ARFGEF3: variants seen among roughly 807,000 people sequenced by gnomAD.
ARFGEF3 encodes brefeldin A-inhibited guanine nucleotide-exchange protein 3.
Under a neutral mutation model 221.7 loss-of-function variants are expected in ARFGEF3, and 96 were observed. The ratio of observed to expected loss-of-function variants is 0.43; its 90% CI spans 0.37 to 0.51. The LOEUF is 0.51. Among genes scored for constraint, ARFGEF3 ranks in the 20% least tolerant of loss-of-function variants. The pLI, the probability that ARFGEF3 is intolerant of heterozygous loss-of-function variation, is 0.00. For missense variants in ARFGEF3, 2,410 were observed against 2,789.9 expected, an observed-to-expected ratio of 0.86 and a Z score of 3.07; for synonymous variants, 1,145 against 1,126.8, an observed-to-expected ratio of 1.02 and a Z score of -0.32.
chr6:138,289,141 CAG>C (rs1779353186), intron 17 of ARFGEF3, among the ~76,000 whole-genome samples: 1 of 152,146 alleles, frequency 6.6e-6, no homozygotes, highest in Non-Finnish European at 1.5e-5. Context: ...TCAGTAGAGA[CAG>C]AGTTTCTCCA....
intron 32 of ARFGEF3, among the ~76,000 whole-genome samples, chr6:138,329,341 C>T (rs979714148): frequency 6.6e-6 from 1 of 152,132 alleles, no homozygotes; most frequent in Non-Finnish European, 1.5e-5. Context: ...CCCAAGGACA[C>T]ACAACTGCAA....
chr6:138,317,429 C>CT (rs1779946252), intron 27 of ARFGEF3, 50 bp downstream of exon 27: 7 of 1,608,198 alleles, frequency 4.4e-6, no homozygotes, highest in Non-Finnish European at 5.1e-6. Flanking sequence ...ACATGTAACT[C>CT]TTTTCAAGAG....
In ARFGEF3 at chr6:138,334,003, G is replaced by C; in HGVS notation, c.5157G>C (p.Leu1719=). The change falls in exon 33 of 34, where the codon CTG becomes CTC. Residue 1719 remains leucine, a synonymous_variant. Coordinates refer to ENST00000251691, the MANE Select transcript of ARFGEF3 (RefSeq NM_020340.5). This position sits in a 1 kb window ranked among gnomAD's most constrained non-coding sequence, Gnocchi z 5.1. The part of the protein sequence containing the change: ...VSFREIVVSL[L]SHQVLLQNLY... ...TCAGGGAAATTGTGGTGAGCCTGCTGTCTCATCAGGTGTTACTCCAGAACT... is the reference window on the plus strand; with the variant it reads ...TCAGGGAAATTGTGGTGAGCCTGCTCTCTCATCAGGTGTTACTCCAGAACT... The C allele has an allele frequency of 1.2e-6, 2 of 1,610,084 alleles. No individual in the cohort carries two copies. The highest frequency in any genetic ancestry group is 1.1e-5 in the South Asian group (1 of 91,010).
In ARFGEF3 at chr6:138,339,277, G is replaced by A. The variant is rs572127964; in HGVS notation, c.*2791G>A. 1.3e-5 allele frequency: 2 copies of A among 152,336 alleles called. No individual in the cohort carries two copies. The highest frequency in any genetic ancestry group is 2.4e-5 in the African/African-American group (1 of 41,550). 9.4% of individuals were successfully genotyped at this position (152,336 alleles called of 1,614,324 possible). A position where few individuals can be genotyped will look rare whatever the true frequency, so the allele number is the denominator to read the frequency against. ...TGAGAGGGGAGTGGCACCTTCCCAG[G>A]CTGCCCAGCTCAGTCTCTTGCCCTG... On this transcript the variant is annotated 3_prime_UTR_variant, in exon 34 of 34. Coordinates refer to ENST00000251691, the MANE Select transcript of ARFGEF3 (RefSeq NM_020340.5).
intron 22 of ARFGEF3, among the ~76,000 whole-genome samples, chr6:138,303,938 A>G (rs887590655): frequency 6.6e-6 from 1 of 150,810 alleles, no homozygotes; most frequent in Non-Finnish European, 1.5e-5. Context: ...TGGAACCTTC[A>G]TGCCCTACTG....
At chr6:138,300,541 C>G (rs144819783) in intron 22 of ARFGEF3, among the ~76,000 whole-genome samples, 51 of 152,176 alleles carry the variant, frequency 3.4e-4, no homozygotes, top group Middle Eastern at 6.8e-3. Context: ...AAAAGAATAC[C>G]CAGAGTAGTC....
Position 138,289,944 on chromosome 6 carries a change from C to G in ARFGEF3, c.3023C>G (p.Pro1008Arg). 1 of 1,613,396 alleles carries G rather than the reference C, an allele frequency of 6.2e-7. No homozygotes were observed. Among genetic ancestry groups the G allele is most frequent in the East Asian group, 2.2e-5 (1 of 44,862 alleles). The change falls in exon 18 of 34, where the codon CCG becomes CGG. Residue 1008 changes from proline (P) to arginine (R), a missense_variant. Physicochemically the swap from Pro to Arg is moderately radical, Grantham distance 103. Transcript: ENST00000251691. ...GGCCTGGAGATGGGAAGCCACAACC[C>G]GGACTGCTGGCCACACGTGTTCAGG... ...SVGLEMGSHN[P>R]DCWPHVFRVC... is the part of the protein sequence containing the mutation.
rs1778821773 is a variant in ARFGEF3, at chr6:138,263,029, C to A, written c.1546C>A (p.Leu516Ile). The change falls in exon 12 of 34, where the codon CTC (leucine) becomes ATC (isoleucine). Residue 516 changes from leucine to isoleucine, a missense_variant. Physicochemically the swap from Leu to Ile is conservative, Grantham distance 5 (BLOSUM62 2). Coordinates refer to ENST00000251691, the MANE Select transcript of ARFGEF3 (RefSeq NM_020340.5). ...CACCACAGACACAGGCCAGACCACT[C>A]TCGAGGGAGAGTTGGGTCAGACTAC... ...SVTTDTGQTT[L>I]EGELGQTTPE... The A allele has an allele frequency of 6.2e-7, 1 of 1,608,404 alleles. No individual in the cohort carries two copies. The highest frequency in any genetic ancestry group is 1.3e-5 in the African/African-American group (1 of 74,888).
At chr6:138,302,572 G>A (rs1160160092) in intron 22 of ARFGEF3, among the ~76,000 whole-genome samples, 4 of 152,070 alleles carry the variant, frequency 2.6e-5, no homozygotes, top group Non-Finnish European at 5.9e-5. Flanking sequence ...TCAACACAAA[G>A]ATATCTACAA....
At chr6:138,197,873 T>C (rs1017773676) in intron 2 of ARFGEF3, among the ~76,000 whole-genome samples, 1 of 152,202 alleles carries the variant, frequency 6.6e-6, no homozygotes, top group African/African-American at 2.4e-5. Context: ...AAGTATACTC[T>C]AGAGTTATTG....
At chr6:138,277,113 T>G (rs529758118) in intron 12 of ARFGEF3, among the ~76,000 whole-genome samples, 2 of 152,210 alleles carry the variant, frequency 1.3e-5, no homozygotes, top group African/African-American at 4.8e-5. Flanking sequence ...CCAGAACTTT[T>G]TTAACATTCC....
intron 12 of ARFGEF3, among the ~76,000 whole-genome samples, chr6:138,272,901 A>T (rs927215997): frequency 2.6e-5 from 4 of 152,244 alleles, no homozygotes; most frequent in Non-Finnish European, 5.9e-5. Flanking sequence ...ACGCTTGCAG[A>T]AGTACTAACA....
chr6:138,236,553 T>C (rs549064408), intron 5 of ARFGEF3, among the ~76,000 whole-genome samples: 80 of 152,278 alleles, frequency 5.3e-4, no homozygotes, highest in Non-Finnish European at 9.3e-4. Flanking sequence ...CGGCTCCTTG[T>C]AGCCTCTACC....
At chr6:138,164,483 A>G (rs1776682356) in intron 1 of ARFGEF3, among the ~76,000 whole-genome samples, 1 of 152,180 alleles carries the variant, frequency 6.6e-6, no homozygotes. Flanking sequence ...TCAATAGGAT[A>G]AGTTGTTTGT....
intron 2 of ARFGEF3, among the ~76,000 whole-genome samples, chr6:138,184,192 C>A (rs1389937170): frequency 6.6e-6 from 1 of 152,012 alleles, no homozygotes; most frequent in African/African-American, 2.4e-5. Context: ...TAATAGCAAA[C>A]CCATTTGATG....
chr6:138,176,433 G>A (rs1198043025), intron 2 of ARFGEF3, among the ~76,000 whole-genome samples: 4 of 152,034 alleles, frequency 2.6e-5, no homozygotes, highest in African/African-American at 7.3e-5. Context: ...CACCCGCCTC[G>A]GCCTCCCAAA....
intron 4 of ARFGEF3, among the ~76,000 whole-genome samples, chr6:138,227,413 C>T (rs968752355): frequency 1.3e-5 from 2 of 152,206 alleles, no homozygotes; most frequent in Non-Finnish European, 2.9e-5. Flanking sequence ...CCTAAACCTA[C>T]CTTTGTGTAC....
intron 18 of ARFGEF3, among the ~76,000 whole-genome samples, chr6:138,290,404 C>T (rs939719345): frequency 1.6e-4 from 25 of 152,130 alleles, no homozygotes; most frequent in Non-Finnish European, 4.4e-5. Flanking sequence ...ATACAAGATA[C>T]CTACTTTTAA....
rs141868103 is a variant in ARFGEF3, at chr6:138,265,177, A to C, written c.2128+1566A>C. The stretch of plus-strand genomic sequence containing the variant: ...CTTGGCCTCCCAAAGTGCTGGGATT[A>C]CAGGCATGAGCCACTGCGCCCGGCT... On this transcript the variant is annotated intron_variant, in intron 12 of 33. Transcript: ENST00000251691. Among the ~76,000 whole-genome samples the C allele has an allele frequency of 8.1e-4, 123 of 152,264 alleles. 2 individuals carry two copies. The East Asian group carries it at 0.021, about 26-fold the overall frequency.
Sources: allele counts gnomAD v4.1 joint callset (sites outside exome capture counted in the v4.1 genomes callset), GRCh38; gene constraint gnomAD v4.1.1; non-coding constraint Gnocchi (gnomAD v3.1); transcripts MANE v1.5; gene names NCBI Gene and HGNC (gene_info 2026-07-23, HGNC 2026-07-21).